Variants in FILIP1L observed in about 807,000 individuals in gnomAD.
FILIP1L encodes filamin A interacting protein 1 like.
A neutral mutation model predicts 96.6 loss-of-function variants in FILIP1L; 55 were observed. The ratio of observed to expected loss-of-function variants is 0.57; its 90% CI spans 0.46 to 0.71. The LOEUF (loss-of-function observed/expected upper bound fraction) is 0.71. Ranked by LOEUF, FILIP1L falls within the 30% of genes least tolerant of loss-of-function variation. FILIP1L has a pLI of 0.00. For missense variants in FILIP1L, 1,304 were observed against 1,321.2 expected (o/e 0.99, Z 0.20); for synonymous variants, 467 against 473.9 (o/e 0.99, Z 0.19).
At chr3:100,051,894 A>G (rs981109237) in intron 1 of FILIP1L, among the ~76,000 whole-genome samples, 9 of 148,542 alleles carry the variant, frequency 6.1e-5, no homozygotes, top group African/African-American at 2.0e-4. Context: ...TTTATATGTC[A>G]TATATTTATT....
chr3:100,041,806 C>A (rs919458933), intron 1 of FILIP1L, among the ~76,000 whole-genome samples: 3 of 152,120 alleles, frequency 2.0e-5, no homozygotes, highest in African/African-American at 7.2e-5. Flanking sequence ...AAGGATAACT[C>A]ATGTTGTGCC....
intron 1 of FILIP1L, among the ~76,000 whole-genome samples, chr3:100,073,083 C>T (rs903118215): frequency 6.6e-6 from 1 of 151,988 alleles, no homozygotes; most frequent in African/African-American, 2.4e-5. Context: ...AAATGGAAAC[C>T]ATCATGTTTC....
At chr3:99,862,273 G>A (rs1452746238) in intron 4 of FILIP1L, among the ~76,000 whole-genome samples, 1 of 152,080 alleles carries the variant, frequency 6.6e-6, no homozygotes, top group East Asian at 1.9e-4. Flanking sequence ...AAAAAAAGTA[G>A]GACAGTGAGA....
intron 1 of FILIP1L, among the ~76,000 whole-genome samples, chr3:100,021,915 TTGTGTGTGTGTGTGTGTGTGTGTG>T (rs61704772): frequency 3.8e-5 from 4 of 105,958 alleles, no homozygotes; most frequent in African/African-American, 1.6e-4. Context: ...CTAGATCCCA[TTGTGTGTGTGTGTGTGTGTGTGTG>T]TGTGTGTGTG....
At chr3:99,984,692 G>A (rs753879201) in intron 1 of FILIP1L, among the ~76,000 whole-genome samples, 3 of 152,162 alleles carry the variant, frequency 2.0e-5, no homozygotes, top group Non-Finnish European at 4.4e-5. Context: ...GCTACTGTGG[G>A]GGAGGGAATC....
chr3:99,941,971 A>G (rs1280351167), intron 1 of FILIP1L, among the ~76,000 whole-genome samples: 1 of 152,196 alleles, frequency 6.6e-6, no homozygotes, highest in Non-Finnish European at 1.5e-5. Flanking sequence ...AATGTGAACT[A>G]TAAATTAGGT....
intron 4 of FILIP1L, among the ~76,000 whole-genome samples, chr3:99,914,750 T>A (rs1339780681): frequency 6.6e-6 from 1 of 152,184 alleles, no homozygotes; most frequent in East Asian, 1.9e-4. Context: ...GCATAAAAAT[T>A]CATTGGAATG....
chr3:100,081,419 AT>A (rs1157398878), intron 1 of FILIP1L, among the ~76,000 whole-genome samples: 3 of 152,180 alleles, frequency 2.0e-5, no homozygotes, highest in African/African-American at 7.2e-5. Flanking sequence ...TCTTAAGCAA[AT>A]TTTAATCTTG....
At chr3:100,062,988 T>C (rs1304574604) in intron 1 of FILIP1L, among the ~76,000 whole-genome samples, 1 of 152,258 alleles carries the variant, frequency 6.6e-6, no homozygotes, top group African/African-American at 2.4e-5. Context: ...AGATGTTTCC[T>C]TTTGACACAT....
At chr3:100,005,488 C>G (rs1709962308) in intron 1 of FILIP1L, among the ~76,000 whole-genome samples, 1 of 152,274 alleles carries the variant, frequency 6.6e-6, no homozygotes, top group Non-Finnish European at 1.5e-5. Flanking sequence ...TTTATAGCAT[C>G]CCTGAGAATT....
chr3:99,957,034 A>G (rs957736923), intron 1 of FILIP1L, among the ~76,000 whole-genome samples: 2 of 152,250 alleles, frequency 1.3e-5, no homozygotes, highest in African/African-American at 4.8e-5. Context: ...TGCCCAAGCT[A>G]GAAATCTTGA....
At chr3:100,025,075 A>T (rs2107241788) in intron 1 of FILIP1L, among the ~76,000 whole-genome samples, 1 of 152,294 alleles carries the variant, frequency 6.6e-6, no homozygotes, top group South Asian at 2.1e-4. Context: ...ATTCTTCCTG[A>T]TAATAAAACA....
At chr3:99,981,907 C>T (rs1355311306) in intron 1 of FILIP1L, among the ~76,000 whole-genome samples, 3 of 152,164 alleles carry the variant, frequency 2.0e-5, no homozygotes, top group Non-Finnish European at 4.4e-5. Context: ...GGGAGGATCG[C>T]TTGAGGCCAG....
intron 1 of FILIP1L, among the ~76,000 whole-genome samples, chr3:100,033,160 A>G (rs1238302473): frequency 6.6e-6 from 1 of 152,192 alleles, no homozygotes; most frequent in African/African-American, 2.4e-5. Context: ...CTGTATGGTA[A>G]TGGAATTATT....
chr3:99,900,272 G>A (rs1156815614), intron 4 of FILIP1L, among the ~76,000 whole-genome samples: 3 of 152,090 alleles, frequency 2.0e-5, no homozygotes, highest in Admixed American at 6.6e-5. Context: ...CATTGATGAG[G>A]TGCAAAAAAC....
chr3:99,995,837 G>C (rs1416382631), intron 1 of FILIP1L, among the ~76,000 whole-genome samples: 1 of 152,180 alleles, frequency 6.6e-6, no homozygotes, highest in African/African-American at 2.4e-5. Flanking sequence ...GGGACACAGG[G>C]CACCAAGTCC....
chr3:100,027,232 T>C (rs967169979), intron 1 of FILIP1L, among the ~76,000 whole-genome samples: 1 of 152,184 alleles, frequency 6.6e-6, no homozygotes, highest in African/African-American at 2.4e-5. Context: ...ACCTGTTTTC[T>C]GCACTAGAAT....
At chr3:100,097,970 C>T (rs114223724) in intron 1 of FILIP1L, among the ~76,000 whole-genome samples, 2 of 152,234 alleles carry the variant, frequency 1.3e-5, no homozygotes, top group East Asian at 1.9e-4. Flanking sequence ...GCATATCTGA[C>T]AAGGTAATAG....
At chr3:99,875,996 G>T in intron 4 of FILIP1L, 2 of 933,198 alleles carry the variant, frequency 2.1e-6, no homozygotes, top group Non-Finnish European at 2.6e-6. Flanking sequence ...AGCTTTAACA[G>T]CCACCCACAG....
Sources: allele counts gnomAD v4.1 joint callset (sites outside exome capture counted in the v4.1 genomes callset), GRCh38; gene constraint gnomAD v4.1.1; transcripts MANE v1.5; gene names NCBI Gene and HGNC (gene_info 2026-07-23, HGNC 2026-07-21).